The following COBLL1 variants were observed in gnomAD, a reference collection of about 807,000 sequenced individuals.
COBLL1 encodes the protein cordon-bleu protein-like 1.
COBLL1 carries 50 observed loss-of-function variants against 94.8 expected under a neutral mutation model. The observed-to-expected ratio is 0.53, with a 90% CI of 0.42 to 0.67. The LOEUF is 0.67. Among genes scored for constraint, COBLL1 ranks in the 30% least tolerant of loss-of-function variants. The pLI is 0.00. For synonymous variants in COBLL1, 448 were observed against 473.8 expected (o/e 0.95, Z 0.71); for missense variants, 1,362 against 1,348.7 (o/e 1.01, Z -0.15).
intron 2 of COBLL1, among the ~76,000 whole-genome samples, chr2:164,811,843 C>T (rs764896194): frequency 5.3e-5 from 8 of 151,976 alleles, no homozygotes; most frequent in Non-Finnish European, 7.4e-5. Context: ...CCAAATTGAA[C>T]GCTAGAAGCA....
At chr2:164,711,031 G>A (rs536207767) in intron 7 of COBLL1, among the ~76,000 whole-genome samples, 1 of 152,232 alleles carries the variant, frequency 6.6e-6, no homozygotes, top group East Asian at 1.9e-4. Flanking sequence ...CAAGGTAGAA[G>A]GCGACCCACT....
chr2:164,677,550 C>G (rs933325446), downstream of COBLL1, among the ~76,000 whole-genome samples: 1 of 152,206 alleles, frequency 6.6e-6, no homozygotes, highest in Non-Finnish European at 1.5e-5. Flanking sequence ...TACTTAATCT[C>G]AAAAGGGTAG....
intron 2 of COBLL1, among the ~76,000 whole-genome samples, chr2:164,755,174 T>C (rs1172055578): frequency 1.3e-5 from 2 of 152,112 alleles, no homozygotes; most frequent in African/African-American, 2.4e-5. Flanking sequence ...GCAATAAATA[T>C]ATGAAAATTT....
chr2:164,779,110 G>A (rs920953415), intron 2 of COBLL1, among the ~76,000 whole-genome samples: 2 of 151,900 alleles, frequency 1.3e-5, no homozygotes, highest in East Asian at 3.9e-4. Flanking sequence ...TGTTGTTGTT[G>A]TTGTTGTTGT....
chr2:164,667,014 T>G (rs1382160317), intron 1 of COBLL1, among the ~76,000 whole-genome samples: 1 of 152,146 alleles, frequency 6.6e-6, no homozygotes, highest in African/African-American at 2.4e-5. Flanking sequence ...GTTTTTACTT[T>G]CCTCGGATCC....
chr2:164,705,141 T>G, intron 7 of COBLL1, 36 bp from the exon 8 acceptor site: 3 of 1,467,260 alleles, frequency 2.0e-6, no homozygotes. Flanking sequence ...ATCCTACATT[T>G]AGAAATCAGT....
chr2:164,720,645 A>G (rs1160233687), intron 7 of COBLL1, among the ~76,000 whole-genome samples: 1 of 152,212 alleles, frequency 6.6e-6, no homozygotes, highest in East Asian at 1.9e-4. Context: ...CACAAAATAA[A>G]GTCTTTGGGA....
downstream of COBLL1, among the ~76,000 whole-genome samples, chr2:164,676,870 C>T (rs948916737): frequency 6.6e-6 from 1 of 152,108 alleles, no homozygotes; most frequent in Non-Finnish European, 1.5e-5. Flanking sequence ...CTCTCTAAAC[C>T]TGCTATTCAT....
At chr2:164,697,571 G>C (rs939062745) in intron 11 of COBLL1, 6 of 152,046 alleles carry the variant, frequency 3.9e-5, no homozygotes, top group African/African-American at 1.2e-4. Context: ...TTTCCACTGA[G>C]TATATGTATT....
At position 164,684,669 on chromosome 2, in the gene COBLL1, C is replaced by A. The variant is rs914352502; in HGVS notation, c.*1277G>T. ...GATAAATGGTAAATCTTACAAATTT[C>A]TTGTTTGTTCACTGGCTAATAGAAA... On this transcript the variant is annotated 3_prime_UTR_variant, in exon 14 of 14. Transcript: ENST00000652658. 6.6e-6 allele frequency: 1 copy of A among 152,060 alleles called. No homozygotes were observed. Among genetic ancestry groups the A allele is most frequent in the African/African-American group, 2.4e-5 (1 of 41,396 alleles). The allele number at this position is 152,060 out of a possible 1,614,324, so 9.4% of individuals were successfully genotyped here.
intron 11 of COBLL1, 22 bp downstream of exon 11, chr2:164,699,383 G>C: frequency 7.0e-7 from 1 of 1,433,478 alleles, no homozygotes; most frequent in Non-Finnish European, 9.8e-7. Context: ...GAAAGTGTTG[G>C]CTATTAATTT....
chr2:164,811,813 A>C (rs1407254827), intron 2 of COBLL1, among the ~76,000 whole-genome samples: 1 of 151,956 alleles, frequency 6.6e-6, no homozygotes, highest in African/African-American at 2.4e-5. Context: ...CCAAAAAAGA[A>C]AAAAAAGTTT....
At chr2:164,678,312 T>C (rs1370785643), downstream of COBLL1, among the ~76,000 whole-genome samples, 3 of 152,092 alleles carry the variant, frequency 2.0e-5, no homozygotes, top group Admixed American at 6.6e-5. Flanking sequence ...TTAGGGATCA[T>C]CAAAAATGAT....
chr2:164,673,157 A>G (rs745696654), intron 1 of COBLL1, among the ~76,000 whole-genome samples: 5 of 152,226 alleles, frequency 3.3e-5, no homozygotes, highest in Non-Finnish European at 5.9e-5. Context: ...TATTACTGAA[A>G]TAGTGAAATT....
intron 2 of COBLL1, among the ~76,000 whole-genome samples, chr2:164,763,203 A>G (rs1687773228): frequency 6.6e-6 from 1 of 152,160 alleles, no homozygotes. Flanking sequence ...CACATTTCCA[A>G]TAAAGTCACC....
intron 2 of COBLL1, among the ~76,000 whole-genome samples, chr2:164,804,818 G>A (rs1684005396): frequency 6.6e-6 from 1 of 152,110 alleles, no homozygotes; most frequent in Non-Finnish European, 1.5e-5. Context: ...GCATCTCCTA[G>A]TGCAGCTCAA....
intron 1 of COBLL1, among the ~76,000 whole-genome samples, chr2:164,670,730 C>A (rs982374693): frequency 4.6e-5 from 7 of 152,114 alleles, no homozygotes; most frequent in Non-Finnish European, 1.0e-4. Context: ...AATTTCCCCC[C>A]ACGAGCCTGC....
intron 1 of COBLL1, among the ~76,000 whole-genome samples, chr2:164,668,065 A>G (rs1405250940): frequency 6.6e-6 from 1 of 150,704 alleles, no homozygotes; most frequent in Non-Finnish European, 1.5e-5. Context: ...TTTCCAGTTC[A>G]TGATTGTCCT....
At chr2:164,719,100 T>C (rs971706045) in intron 7 of COBLL1, among the ~76,000 whole-genome samples, 25 of 152,072 alleles carry the variant, frequency 1.6e-4, no homozygotes, top group African/African-American at 6.0e-4. Context: ...TGGTTTTCTC[T>C]TTATACTCTG....
Sources: allele counts gnomAD v4.1 joint callset (sites outside exome capture counted in the v4.1 genomes callset), GRCh38; gene constraint gnomAD v4.1.1; transcripts MANE v1.5; gene names NCBI Gene and HGNC (gene_info 2026-07-23, HGNC 2026-07-21).